ARHGAP10: variants seen among roughly 807,000 people sequenced by gnomAD.
ARHGAP10 encodes Rho GTPase activating protein 10, also known as rho GTPase-activating protein 10.
In ARHGAP10, 87 loss-of-function variants were observed where a neutral mutation model predicts 108.6. The ratio of observed to expected loss-of-function variants is 0.80; its 90% confidence interval spans 0.67 to 0.96. The LOEUF is 0.96. Ranked by LOEUF, ARHGAP10 falls within the 40% of genes least tolerant of loss-of-function variation. The pLI is 0.00. For missense variants in ARHGAP10, 939 were observed against 954.5 expected (o/e 0.98, Z 0.21); for synonymous variants, 347 against 341.1 (o/e 1.02, Z -0.19).
At chr4:147,977,975 T>C (rs1739662548) in intron 18 of ARHGAP10, among the ~76,000 whole-genome samples, 1 of 152,244 alleles carries the variant, frequency 6.6e-6, no homozygotes, top group Admixed American at 6.5e-5. Context: ...TCCATGTTGC[T>C]GCAAAGGACG....
At chr4:147,937,635 A>C (rs561607313) in intron 13 of ARHGAP10, among the ~76,000 whole-genome samples, 1 of 152,194 alleles carries the variant, frequency 6.6e-6, no homozygotes, top group African/African-American at 2.4e-5. Flanking sequence ...CCTACTCACA[A>C]TAGCAAAGAC....
At chr4:147,882,135 TAGG>T (rs899962737) in intron 10 of ARHGAP10, among the ~76,000 whole-genome samples, 1 of 152,032 alleles carries the variant, frequency 6.6e-6, no homozygotes, top group Non-Finnish European at 1.5e-5. Context: ...TTGATTTAGT[TAGG>T]AGTCATTCTA....
intron 4 of ARHGAP10, among the ~76,000 whole-genome samples, chr4:147,855,256 G>C (rs1332393241): frequency 2.0e-5 from 3 of 152,202 alleles, no homozygotes; most frequent in Non-Finnish European, 4.4e-5. Context: ...TAGGACTGCA[G>C]CTTGGGTCTT....
At chr4:147,859,960 A>G (rs536784405) in intron 5 of ARHGAP10, among the ~76,000 whole-genome samples, 2 of 152,316 alleles carry the variant, frequency 1.3e-5, no homozygotes, top group South Asian at 2.1e-4. Context: ...GAAGCCCTTA[A>G]TAGGGGGGAT....
intron 18 of ARHGAP10, among the ~76,000 whole-genome samples, chr4:148,013,123 C>T (rs563277539): frequency 6.6e-6 from 1 of 152,220 alleles, no homozygotes; most frequent in African/African-American, 2.4e-5. Context: ...CTAATCTGCC[C>T]CCCACCTTCA....
chr4:147,833,646 A>G (rs1733043362), intron 3 of ARHGAP10, among the ~76,000 whole-genome samples: 1 of 152,244 alleles, frequency 6.6e-6, no homozygotes, highest in African/African-American at 2.4e-5. Flanking sequence ...TTTATGCACA[A>G]GAGGGATACA....
intron 7 of ARHGAP10, among the ~76,000 whole-genome samples, chr4:147,873,758 C>G (rs993593054): frequency 4.3e-5 from 5 of 115,228 alleles, no homozygotes; most frequent in Non-Finnish European, 7.6e-5. Context: ...GCCTGTAGTC[C>G]CAGTTCCTCT....
At chr4:147,839,211 A>C (rs1733312000) in intron 3 of ARHGAP10, among the ~76,000 whole-genome samples, 1 of 152,154 alleles carries the variant, frequency 6.6e-6, no homozygotes, top group Non-Finnish European at 1.5e-5. Flanking sequence ...AAGGAAAAAC[A>C]AGAGCTGTGT....
intron 1 of ARHGAP10, among the ~76,000 whole-genome samples, chr4:147,793,260 A>C (rs1433695683): frequency 1.3e-5 from 2 of 151,796 alleles, no homozygotes; most frequent in Non-Finnish European, 2.9e-5. Context: ...TAGGTGTTTC[A>C]GTTCACAAAA....
At chr4:147,753,432 C>T (rs1300556143) in intron 1 of ARHGAP10, among the ~76,000 whole-genome samples, 1 of 151,756 alleles carries the variant, frequency 6.6e-6, no homozygotes, top group Admixed American at 6.6e-5. Flanking sequence ...CAACCTCTGC[C>T]TCCTGGGTTC....
rs762937168 is a variant in ARHGAP10, at chr4:147,893,764, C to G, written c.1034+11832C>G. Among the ~76,000 whole-genome samples the G allele has an allele frequency of 4.6e-5, 7 of 151,856 alleles. No homozygotes were observed. The East Asian group carries it at 1.4e-3, about 29-fold the overall frequency. ...CAGTTACTCGGGAACTACCAAGATA[C>G]CAGTGTAGAAAGAAGAGCAAAGTAA... On this transcript the variant is annotated intron_variant, in intron 10 of 22. Coordinates refer to ENST00000336498, the MANE Select transcript of ARHGAP10 (RefSeq NM_024605.4).
At chr4:147,896,154 A>G (rs985548580) in intron 10 of ARHGAP10, among the ~76,000 whole-genome samples, 5 of 152,122 alleles carry the variant, frequency 3.3e-5, no homozygotes, top group African/African-American at 1.2e-4. Context: ...TGTTCATGAG[A>G]GATGTGTGCG....
intron 20 of ARHGAP10, among the ~76,000 whole-genome samples, chr4:148,048,911 C>T (rs1041725653): frequency 6.7e-6 from 1 of 149,786 alleles, no homozygotes; most frequent in Non-Finnish European, 1.5e-5. Context: ...CCTTGAGAGG[C>T]CAAAAAGGGG....
chr4:147,812,281 T>C (rs1732061865), intron 1 of ARHGAP10, among the ~76,000 whole-genome samples: 1 of 152,158 alleles, frequency 6.6e-6, no homozygotes, highest in Non-Finnish European at 1.5e-5. Context: ...CTTGGTTACA[T>C]ATTTATGTAA....
intron 9 of ARHGAP10, 128 bp downstream of exon 9, chr4:147,879,466 T>A: frequency 1.2e-6 from 1 of 818,736 alleles, no homozygotes; most frequent in Non-Finnish European, 1.8e-6. Context: ...AGTATTAAAA[T>A]CTTTGTTTTG....
At chr4:147,747,663 G>C (rs558431573) in intron 1 of ARHGAP10, among the ~76,000 whole-genome samples, 1 of 152,258 alleles carries the variant, frequency 6.6e-6, no homozygotes, top group African/African-American at 2.4e-5. Flanking sequence ...TTGTGGAAAG[G>C]ATAGAGTTTA....
Position 147,857,614 on chromosome 4 carries a change from TG to T in ARHGAP10, c.447del (p.Asn150IlefsTer18). The T allele has an allele frequency of 1.3e-6, 2 of 1,499,488 alleles. No individual in the cohort carries two copies. The highest frequency in any genetic ancestry group is 1.8e-6 in the Non-Finnish European group (2 of 1,127,030). 92.9% of individuals were successfully genotyped at this position (1,499,488 alleles called of 1,614,324 possible). On this transcript the variant is annotated frameshift_variant, in exon 5 of 23. Transcript: ENST00000336498. LOFTEE classifies it high-confidence loss of function. ...AATTATAGTCTAATTGATAAACATT[TG>T]AATTTATCAGCAAAAAAGAAAGACT... ...EKNYSLIDKH[L>X]NLSAKKKDSH...
intron 18 of ARHGAP10, among the ~76,000 whole-genome samples, chr4:147,982,742 G>T (rs1739865611): frequency 6.6e-6 from 1 of 151,526 alleles, no homozygotes. Flanking sequence ...AAGCAAGATT[G>T]GGGAAATTTT....
chr4:147,883,282 A>G (rs565959689), intron 10 of ARHGAP10, among the ~76,000 whole-genome samples: 55 of 152,314 alleles, frequency 3.6e-4, no homozygotes, highest in African/African-American at 1.3e-3. Flanking sequence ...GCTGGTCTCA[A>G]AACTCCTGGA....
Sources: gnomAD v4.1 joint callset for allele counts (sites outside exome capture counted in the v4.1 genomes callset) on GRCh38, gnomAD v4.1.1 for gene constraint, MANE v1.5 for transcripts, NCBI Gene and HGNC (gene_info 2026-07-23, HGNC 2026-07-21) for gene names.